Variants in SLA2 observed in about 807,000 individuals in gnomAD.
SLA2 encodes the protein Src like adaptor 2.
A neutral mutation model predicts 27.3 loss-of-function variants in SLA2; 22 were observed. The observed-to-expected ratio is 0.81, with a 90% CI of 0.58 to 1.15. The LOEUF is 1.15. Ranked by LOEUF, SLA2 falls within the 50% of genes most tolerant of loss-of-function variation. The probability of loss-of-function intolerance (pLI) is 0.00; values close to 1 mark genes in which losing one functional copy is unlikely to be tolerated. For synonymous variants in SLA2, 131 were observed against 137.8 expected (o/e 0.95, Z 0.34); for missense variants, 304 against 322.2 (o/e 0.94, Z 0.43).
intron 5 of SLA2, 147 bp from the exon 6 acceptor site, chr20:36,615,521 C>G: frequency 1.2e-6 from 1 of 816,868 alleles, no homozygotes; most frequent in South Asian, 1.7e-5. Context: ...GACTTGCTCT[C>G]TTGGTCATCA....
chr20:36,634,641 A>G (rs1407383460), intron 2 of SLA2, 52 bp from the exon 3 acceptor site: 3 of 1,274,374 alleles, frequency 2.4e-6, no homozygotes, highest in Non-Finnish European at 3.3e-6. Context: ...TGCTCCACGC[A>G]TGAGGTCTAG....
chr20:36,643,970 A>G (rs1409936256), intron 1 of SLA2, among the ~76,000 whole-genome samples: 1 of 151,612 alleles, frequency 6.6e-6, no homozygotes, highest in Non-Finnish European at 1.5e-5. Flanking sequence ...GCCCCAAAAA[A>G]CCTAATACCT....
chr20:36,620,498 A>G, intron 5 of SLA2: 1 of 215,416 alleles, frequency 4.6e-6, no homozygotes, highest in Middle Eastern at 1.9e-3. Context: ...AGTCGAAAAA[A>G]GGATTTGCTT....
At chr20:36,621,729 T>C (rs572545994) in intron 5 of SLA2, among the ~76,000 whole-genome samples, 14 of 151,860 alleles carry the variant, frequency 9.2e-5, no homozygotes, top group Admixed American at 2.0e-4. Context: ...AACTAAACAT[T>C]GGCCAGGGAC....
chr20:36,616,954 G>A (rs1306124990), intron 5 of SLA2, among the ~76,000 whole-genome samples: 3 of 152,176 alleles, frequency 2.0e-5, no homozygotes, highest in Non-Finnish European at 4.4e-5. Flanking sequence ...GAAGGCTAAG[G>A]CAGGAGAATC....
chr20:36,626,842 C>CA (rs539777775), intron 5 of SLA2, among the ~76,000 whole-genome samples: 11,096 of 77,076 alleles, frequency 0.14, 565 homozygotes, highest in Admixed American at 0.25. Context: ...GACTCCATCT[C>CA]AAAAAAAAAA....
At chr20:36,632,171 C>T (rs1011497728) in intron 5 of SLA2, among the ~76,000 whole-genome samples, 1 of 152,098 alleles carries the variant, frequency 6.6e-6, no homozygotes, top group Non-Finnish European at 1.5e-5. Flanking sequence ...CTTCTCAGCT[C>T]GGCATCCAAG....
At chr20:36,614,096 A>T (rs2039175987) in intron 7 of SLA2, 110 bp from the exon 8 acceptor site, 1 of 1,509,178 alleles carries the variant, frequency 6.6e-7, no homozygotes, top group African/African-American at 1.4e-5. Flanking sequence ...TGAGGACCTC[A>T]TGGGGCTCCC....
Position 36,616,308 on chromosome 20 carries a change from A to AT in SLA2, c.383-935dup, listed in dbSNP as rs1187898492. On this transcript the variant is annotated intron_variant, in intron 5 of 7. Coordinates refer to ENST00000262866, the MANE Select transcript of SLA2 (RefSeq NM_032214.4). The stretch of plus-strand genomic sequence containing the variant: ...CCAGCTTTGCATGTTTCATTTTTTC[A>AT]TTTTTTTTTTTTATTTTAATTTTCT... Among the ~76,000 whole-genome samples, 985 of 126,376 alleles carry AT rather than the reference A, an allele frequency of 7.8e-3. 9 individuals carry two copies. The highest frequency in any genetic ancestry group is 0.024 in the African/African-American group (843 of 35,736). The allele number at this position is 126,376 out of a possible 152,430, so 82.9% of individuals were successfully genotyped here.
intron 2 of SLA2, among the ~76,000 whole-genome samples, chr20:36,635,470 G>C (rs532809196): frequency 4.0e-4 from 60 of 151,758 alleles, no homozygotes; most frequent in African/African-American, 1.4e-3. Flanking sequence ...GAGCAGACAA[G>C]GATGGGGGTG....
chr20:36,634,529 A>T lies in SLA2; in HGVS notation c.152T>A (p.Leu51Gln), dbSNP rs890777367. 6.8e-6 allele frequency: 11 copies of T among 1,611,534 alleles called. No homozygotes were observed. Among genetic ancestry groups the T allele is most frequent in the Non-Finnish European group, 9.3e-6 (11 of 1,178,554 alleles). ...CAATGGCTCCCCGAGTCTCAGCGAC[A>T]GCTCGGCCGGGCCACCTGCCGGGAA... Reference protein sequence around the residue: ...GSFPAGGPAELSLRLGEPLTI... With the variant: ...GSFPAGGPAEQSLRLGEPLTI... The change falls in exon 3 of 8, where the codon CTG becomes CAG. Residue 51 changes from leucine (L) to glutamine (Q), a missense_variant. Leu to Gln is a moderately radical substitution (Grantham distance 113). Coordinates refer to ENST00000262866, the MANE Select transcript of SLA2 (RefSeq NM_032214.4).
At chr20:36,637,193 A>AT (rs1175945445) in intron 2 of SLA2, among the ~76,000 whole-genome samples, 1,896 of 87,996 alleles carry the variant, frequency 0.022, 292 homozygotes, top group African/African-American at 0.07. Flanking sequence ...GCGTGTGTGT[A>AT]TTTTTTTTTT....
Position 36,612,548 on chromosome 20 carries a change from T to C in SLA2, c.*1318A>G, listed in dbSNP as rs776941087. On this transcript the variant is annotated 3_prime_UTR_variant, in exon 8 of 8. Coordinates refer to ENST00000262866, the MANE Select transcript of SLA2 (RefSeq NM_032214.4). ...CACATACTTGAATAAATCAAATCTT[T>C]AATTGAGAACCTGTTGATGATACCT... 1 of 352,058 alleles carries C rather than the reference T, an allele frequency of 2.8e-6. No individual in the cohort carries two copies. The highest frequency in any genetic ancestry group is 6.4e-5 in the East Asian group (1 of 15,556). 21.8% of individuals were successfully genotyped at this position (352,058 alleles called of 1,614,324 possible).
intron 5 of SLA2, among the ~76,000 whole-genome samples, chr20:36,624,388 C>T (rs1430760292): frequency 2.0e-5 from 3 of 152,094 alleles, no homozygotes; most frequent in African/African-American, 7.2e-5. Context: ...TGTACTCACA[C>T]TCACACCCTG....
chr20:36,621,211 TATG>T, intron 5 of SLA2: 2 of 505,794 alleles, frequency 4.0e-6, no homozygotes, highest in South Asian at 1.6e-5. Flanking sequence ...TGGCGGAGGA[TATG>T]ATGGTTACAA....
chr20:36,636,623 AATATATATATATAT>A (rs57962999), intron 2 of SLA2, among the ~76,000 whole-genome samples: 1 of 114,712 alleles, frequency 8.7e-6, no homozygotes, highest in Admixed American at 9.1e-5. Flanking sequence ...AAAAAAAAAA[AATATATATATATAT>A]ATATATATAT....
chr20:36,626,553 T>TAA (rs566064318), intron 5 of SLA2, among the ~76,000 whole-genome samples: 9 of 135,900 alleles, frequency 6.6e-5, no homozygotes, highest in African/African-American at 1.6e-4. Context: ...GACCCTGTCT[T>TAA]AAAAAAAAAA....
chr20:36,627,723 G>A (rs577224192), intron 5 of SLA2, among the ~76,000 whole-genome samples: 1 of 152,216 alleles, frequency 6.6e-6, no homozygotes, highest in Non-Finnish European at 1.5e-5. Flanking sequence ...CCTTCACGGA[G>A]CAAGATTTGG....
At chr20:36,622,393 C>A (rs1409527691) in intron 5 of SLA2, among the ~76,000 whole-genome samples, 2 of 150,174 alleles carry the variant, frequency 1.3e-5, no homozygotes, top group African/African-American at 4.9e-5. Flanking sequence ...CCACGATCAC[C>A]TGAAAAAATG....
Sources: allele counts gnomAD v4.1 joint callset (sites outside exome capture counted in the v4.1 genomes callset), GRCh38; gene constraint gnomAD v4.1.1; transcripts MANE v1.5; gene names NCBI Gene and HGNC (gene_info 2026-07-23, HGNC 2026-07-21).